Variants in NYAP2 observed in about 807,000 individuals in gnomAD.
NYAP2 encodes the protein neuronal tyrosine-phosphorylated phosphoinositide-3-kinase adapter 2.
NYAP2 carries 23 observed loss-of-function variants against 50.4 expected under a neutral mutation model. That is an observed-to-expected ratio of 0.46 (90% CI 0.33 to 0.65). NYAP2 has a LOEUF of 0.65. NYAP2 is among the 30% of genes least tolerant of loss of function. The pLI, the probability that NYAP2 is intolerant of heterozygous loss-of-function variation, is 0.02. For missense variants in NYAP2, 885 were observed against 861.0 expected (o/e 1.03, Z -0.35); for synonymous variants, 394 against 365.2 (o/e 1.08, Z -0.90).
the NYAP2 span, among the ~76,000 whole-genome samples, chr2:225,693,405 A>G: frequency 6.6e-6 from 1 of 152,058 alleles, no homozygotes; most frequent in Non-Finnish European, 1.5e-5. Flanking sequence ...GTCTCATCAC[A>G]TTATACCAAG....
intron 5 of NYAP2, among the ~76,000 whole-genome samples, chr2:225,624,353 C>T (rs566638200): frequency 4.6e-5 from 7 of 152,230 alleles, no homozygotes; most frequent in South Asian, 4.1e-4. Context: ...ACACTAGAAA[C>T]GGGGCATTCT....
At chr2:225,528,831 T>G (rs1349417068) in intron 4 of NYAP2, among the ~76,000 whole-genome samples, 1 of 152,222 alleles carries the variant, frequency 6.6e-6, no homozygotes, top group Non-Finnish European at 1.5e-5. Context: ...TTCTGTAGCA[T>G]TTTGGTGAGA....
chr2:225,550,107 G>A (rs909262622), intron 4 of NYAP2, among the ~76,000 whole-genome samples: 17 of 152,052 alleles, frequency 1.1e-4, no homozygotes, highest in African/African-American at 3.9e-4. Context: ...TGGAGAAAAA[G>A]GTCAGCAAGT....
At chr2:225,547,151 G>T (rs1559211076) in intron 4 of NYAP2, among the ~76,000 whole-genome samples, 3 of 152,138 alleles carry the variant, frequency 2.0e-5, no homozygotes, top group Non-Finnish European at 2.9e-5. Flanking sequence ...GCACTGCCAA[G>T]CAAACCATTA....
chr2:225,501,010 G>A lies in NYAP2; in HGVS notation c.222-12361G>A, dbSNP rs1212446002. On this transcript the variant is annotated intron_variant, in intron 3 of 6. Transcript: ENST00000636099. ...TATCTAATACTGTGTCATAGATGAT[G>A]GTCTGGGCTGAGAAAGTAACTAGTT... Among the ~76,000 whole-genome samples the A allele has an allele frequency of 3.9e-5, 6 of 152,142 alleles. No homozygotes were observed. The East Asian group carries it at 1.2e-3, about 29-fold the overall frequency.
chr2:225,405,956 G>A (rs1399966485), intron 2 of NYAP2, among the ~76,000 whole-genome samples: 9 of 151,858 alleles, frequency 5.9e-5, no homozygotes, highest in Admixed American at 5.3e-4. Flanking sequence ...CATTTATCAA[G>A]GGGTTATATT....
At chr2:225,670,605 CAA>C in the NYAP2 span, among the ~76,000 whole-genome samples, 3,852 of 78,534 alleles carry the variant, frequency 0.049, 190 homozygotes, top group African/African-American at 0.12. Flanking sequence ...CAGTATTTTC[CAA>C]AAAAAAAAAA....
chr2:225,696,055 T>C, the NYAP2 span, among the ~76,000 whole-genome samples: 1 of 151,992 alleles, frequency 6.6e-6, no homozygotes, highest in African/African-American at 2.4e-5. Flanking sequence ...TTAGTTGTAT[T>C]TTTGAGTAGC....
At chr2:225,466,604 C>CTA (rs1312329458) in intron 3 of NYAP2, among the ~76,000 whole-genome samples, 2 of 152,034 alleles carry the variant, frequency 1.3e-5, no homozygotes, top group Admixed American at 6.6e-5. Context: ...CTGTTTAGCA[C>CTA]TATATATTTC....
chr2:225,672,520 T>A, the NYAP2 span, among the ~76,000 whole-genome samples: 1 of 152,156 alleles, frequency 6.6e-6, no homozygotes, highest in Non-Finnish European at 1.5e-5. Flanking sequence ...CTGTTTCACT[T>A]TTTAATCATT....
chr2:225,641,464 C>G (rs368112902), intron 6 of NYAP2, among the ~76,000 whole-genome samples: 5 of 124,496 alleles, frequency 4.0e-5, no homozygotes, highest in Non-Finnish European at 8.8e-5. Flanking sequence ...CACACACACA[C>G]ACACAAACAC....
intron 3 of NYAP2, among the ~76,000 whole-genome samples, chr2:225,468,024 T>C (rs1332856746): frequency 6.6e-6 from 1 of 152,216 alleles, no homozygotes; most frequent in East Asian, 1.9e-4. Context: ...TGATAGAGTT[T>C]GGGCATATAT....
At chr2:225,540,460 G>A (rs889485455) in intron 4 of NYAP2, among the ~76,000 whole-genome samples, 2 of 152,142 alleles carry the variant, frequency 1.3e-5, no homozygotes, top group Non-Finnish European at 2.9e-5. Flanking sequence ...AGCTTGTGCA[G>A]GAATACTCCC....
At chr2:225,668,048 T>C in the NYAP2 span, among the ~76,000 whole-genome samples, 1 of 152,110 alleles carries the variant, frequency 6.6e-6, no homozygotes, top group South Asian at 2.1e-4. Flanking sequence ...AGGGCCCCAA[T>C]ATTATACCCC....
At chr2:225,608,031 A>G (rs1426733386) in intron 5 of NYAP2, among the ~76,000 whole-genome samples, 1 of 152,128 alleles carries the variant, frequency 6.6e-6, no homozygotes, top group African/African-American at 2.4e-5. Context: ...AAATCTTGAC[A>G]TCAGATTAAG....
intron 4 of NYAP2, among the ~76,000 whole-genome samples, chr2:225,522,815 G>T (rs1691089085): frequency 6.6e-6 from 1 of 152,110 alleles, no homozygotes; most frequent in South Asian, 2.1e-4. Context: ...AGAAAATCTG[G>T]CATGACAAAC....
intron 5 of NYAP2, among the ~76,000 whole-genome samples, chr2:225,607,895 G>A (rs1005583638): frequency 6.6e-6 from 1 of 152,116 alleles, no homozygotes; most frequent in African/African-American, 2.4e-5. Context: ...AGTAAAAAGG[G>A]TTGTTGAACA....
Position 225,582,580 on chromosome 2 carries a change from C to A in NYAP2, c.1163C>A (p.Pro388His). The stretch of plus-strand genomic sequence containing the variant: ...CCCTCCACGCTGCCGTCCCACGTCC[C>A]CGGCCATGCGAAACTGGAGAAAGAG... Residue 388 changes from proline to histidine, a missense_variant, in exon 5 of 7, where the codon CCC (proline) becomes CAC (histidine). Pro to His is a moderately conservative substitution (Grantham distance 77, BLOSUM62 -2). Transcript: ENST00000636099. This position sits in a 1 kb window ranked among gnomAD's most constrained non-coding sequence, Gnocchi z 7.0. The A allele has an allele frequency of 6.3e-7, 1 of 1,598,946 alleles. No individual in the cohort carries two copies. Among genetic ancestry groups the A allele is most frequent in the East Asian group, 2.3e-5 (1 of 43,976 alleles).
Position 225,547,975 on chromosome 2 carries a change from A to G in NYAP2, c.524-33966A>G, listed in dbSNP as rs375491719. Among the ~76,000 whole-genome samples, 30 of 152,292 alleles carry G rather than the reference A, an allele frequency of 2.0e-4. No individual in the cohort carries two copies. In the South Asian group the frequency reaches 5.8e-3, roughly 29 times the overall value. The stretch of plus-strand genomic sequence containing the variant: ...TCCTGAAGCTCACTACATGAAATAC[A>G]TATGCATTGAAGTTGGCCCTCATTT... On this transcript the variant is annotated intron_variant, in intron 4 of 6. Transcript: ENST00000636099.
Sources: gnomAD v4.1 joint callset for allele counts (sites outside exome capture counted in the v4.1 genomes callset) on GRCh38, gnomAD v4.1.1 for gene constraint, Gnocchi (gnomAD v3.1) non-coding constraint, MANE v1.5 for transcripts, NCBI Gene and HGNC (gene_info 2026-07-23, HGNC 2026-07-21) for gene names.